PTGER3: variants seen among roughly 807,000 people sequenced by gnomAD.
The protein encoded by PTGER3 is prostaglandin E2 receptor EP3 subtype.
PTGER3 carries 22 observed loss-of-function variants against 34.7 expected under a neutral mutation model. That is an observed-to-expected ratio of 0.63 (90% CI 0.45 to 0.91). The LOEUF (loss-of-function observed/expected upper bound fraction) is 0.91. Ranked by LOEUF, PTGER3 falls within the 40% of genes least tolerant of loss-of-function variation. The probability of loss-of-function intolerance (pLI) is 0.00; values close to 1 mark genes in which losing one functional copy is unlikely to be tolerated. For missense variants in PTGER3, 468 were observed against 519.4 expected (o/e 0.90, Z 0.96); for synonymous variants, 241 against 230.1 (o/e 1.05, Z -0.43).
At chr1:70,994,832 C>G (rs569197821) in intron 2 of PTGER3, among the ~76,000 whole-genome samples, 2 of 151,886 alleles carry the variant, frequency 1.3e-5, no homozygotes, top group African/African-American at 4.8e-5. Flanking sequence ...TTTTTTTGGT[C>G]ATTTAAATCA....
At position 70,971,094 on chromosome 1, in the gene PTGER3, G is replaced by A; in HGVS notation, c.*636C>T. ...AAAGCTTAGAAATAACAATTAAGCA[G>A]ATTCCTGAGTTACTAAATGACACAT... On this transcript the variant is annotated 3_prime_UTR_variant, in exon 4 of 4. Coordinates refer to ENST00000306666, the MANE Select transcript of PTGER3 (RefSeq NM_198719.2). 7 of 985,344 alleles carry A rather than the reference G, an allele frequency of 7.1e-6. No homozygotes were observed. Among genetic ancestry groups the A allele is most frequent in the Non-Finnish European group, 7.2e-6 (6 of 829,910 alleles). The allele number at this position is 985,344 out of a possible 1,614,324, so 61.0% of individuals were successfully genotyped here.
At chr1:70,966,115 A>G (rs992369655), downstream of PTGER3, among the ~76,000 whole-genome samples, 1 of 152,220 alleles carries the variant, frequency 6.6e-6, no homozygotes, top group Admixed American at 6.5e-5. Flanking sequence ...TACTTTGCTC[A>G]AAGAAGTAAT....
chr1:70,922,774 CT>C (rs1359038060), intron 4 of PTGER3, among the ~76,000 whole-genome samples: 4 of 152,094 alleles, frequency 2.6e-5, no homozygotes, highest in Admixed American at 6.5e-5. Flanking sequence ...ATGAATTTTT[CT>C]GCCTAGATTA....
chr1:70,869,455 G>T (rs1646117505), intron 4 of PTGER3: 1 of 302,992 alleles, frequency 3.3e-6, no homozygotes, highest in Non-Finnish European at 6.6e-6. Flanking sequence ...CTTCTCAATA[G>T]TACCCCCAAA....
At chr1:70,954,447 G>T (rs1480830852) in intron 2 of PTGER3, among the ~76,000 whole-genome samples, 1 of 152,090 alleles carries the variant, frequency 6.6e-6, no homozygotes, top group Non-Finnish European at 1.5e-5. Flanking sequence ...TACTAGTGCT[G>T]TATGTCGACA....
downstream of PTGER3, among the ~76,000 whole-genome samples, chr1:70,970,125 C>G (rs140970327): frequency 1.8e-3 from 281 of 152,234 alleles, 1 homozygote; most frequent in African/African-American, 6.6e-3. Flanking sequence ...TAAGAAGGAA[C>G]AGTACACCTG....
At chr1:70,988,754 GT>G (rs927951349) in intron 2 of PTGER3, among the ~76,000 whole-genome samples, 12 of 151,942 alleles carry the variant, frequency 7.9e-5, no homozygotes, top group African/African-American at 2.9e-4. Context: ...TTTATTTTTT[GT>G]TTTTTTCTGA....
chr1:70,872,844 T>G (rs1021216501), intron 4 of PTGER3, among the ~76,000 whole-genome samples: 1 of 152,208 alleles, frequency 6.6e-6, no homozygotes, highest in African/African-American at 2.4e-5. Flanking sequence ...TCATCTGAGA[T>G]GTAGTCATTG....
intron 2 of PTGER3, among the ~76,000 whole-genome samples, chr1:71,001,429 A>G (rs1183014100): frequency 6.6e-6 from 1 of 152,238 alleles, no homozygotes; most frequent in Non-Finnish European, 1.5e-5. Flanking sequence ...AATGGAAGAC[A>G]TGGTACCTGT....
At chr1:71,009,134 C>T (rs1346199790) in intron 2 of PTGER3, 17 of 984,922 alleles carry the variant, frequency 1.7e-5, no homozygotes, top group Non-Finnish European at 1.8e-5. Flanking sequence ...AATAAAAAGC[C>T]TAATCTACTT....
At chr1:70,960,158 C>T (rs1485651395) in intron 2 of PTGER3, among the ~76,000 whole-genome samples, 2 of 152,112 alleles carry the variant, frequency 1.3e-5, no homozygotes, top group African/African-American at 4.8e-5. Context: ...CCAACAGTGC[C>T]AACAACTTGA....
At chr1:71,004,828 C>G (rs1454561666) in intron 2 of PTGER3, among the ~76,000 whole-genome samples, 2 of 152,318 alleles carry the variant, frequency 1.3e-5, no homozygotes, top group East Asian at 3.9e-4. Context: ...GTGATCCAGG[C>G]ATTGTTGTAG....
At chr1:70,976,930 C>T (rs551055816) in intron 2 of PTGER3, among the ~76,000 whole-genome samples, 2 of 152,246 alleles carry the variant, frequency 1.3e-5, no homozygotes, top group South Asian at 4.1e-4. Flanking sequence ...AAACTTGCAG[C>T]TCTGCTGTGT....
intron 1 of PTGER3, among the ~76,000 whole-genome samples, chr1:71,038,064 T>C (rs1659990646): frequency 6.6e-6 from 1 of 152,256 alleles, no homozygotes; most frequent in Non-Finnish European, 1.5e-5. Flanking sequence ...TCCACTTTAC[T>C]GTCTTGTGAA....
At chr1:70,943,849 A>AGAGAGAGG (rs1649977490) in intron 4 of PTGER3, among the ~76,000 whole-genome samples, 7 of 45,942 alleles carry the variant, frequency 1.5e-4, no homozygotes, top group African/African-American at 2.5e-4. Context: ...AGAGAGAGGG[A>AGAGAGAGG]GAGAGAGAGA....
At chr1:70,928,261 A>G (rs1298001572) in intron 4 of PTGER3, among the ~76,000 whole-genome samples, 1 of 150,928 alleles carries the variant, frequency 6.6e-6, no homozygotes, top group Non-Finnish European at 1.5e-5. Flanking sequence ...TGCCTTGTAT[A>G]GAAATTCCAA....
intron 4 of PTGER3, among the ~76,000 whole-genome samples, chr1:70,927,486 A>C (rs1375403106): frequency 6.6e-6 from 1 of 152,214 alleles, no homozygotes; most frequent in South Asian, 2.1e-4. Flanking sequence ...CGTGATAGAG[A>C]GGATAGCATT....
Position 70,897,437 on chromosome 1 carries a change from G to A in PTGER3, c.*24-44578C>T, listed in dbSNP as rs116104393. Among the ~76,000 whole-genome samples the A allele has an allele frequency of 2.6e-3, 401 of 152,224 alleles. 3 individuals are homozygous for A. The highest frequency in any genetic ancestry group is 9.3e-3 in the African/African-American group (386 of 41,532). ...CTAAGTGATGAGAACCTCTACCCTC[G>A]TTGAATAGAGGAGAACACATGGGAT... On this transcript the variant is annotated intron_variant, in intron 4 of 4. Transcript: ENST00000370931.
At chr1:70,871,727 C>T (rs1215036307) in intron 4 of PTGER3, among the ~76,000 whole-genome samples, 2 of 152,084 alleles carry the variant, frequency 1.3e-5, no homozygotes, top group Non-Finnish European at 2.9e-5. Flanking sequence ...ACCTAATGAG[C>T]TAGAGGCATA....
Sources: gnomAD v4.1 joint callset for allele counts (sites outside exome capture counted in the v4.1 genomes callset) on GRCh38, gnomAD v4.1.1 for gene constraint, MANE v1.5 for transcripts, NCBI Gene and HGNC (gene_info 2026-07-23, HGNC 2026-07-21) for gene names.